WDPCP: variants seen among roughly 807,000 people sequenced by gnomAD.
WDPCP encodes WD repeat containing planar cell polarity effector.
A neutral mutation model predicts 93.1 loss-of-function variants in WDPCP; 71 were observed. The ratio of observed to expected loss-of-function variants is 0.76; its 90% CI spans 0.63 to 0.93. The LOEUF is 0.93. Among genes scored for constraint, WDPCP ranks in the 40% least tolerant of loss-of-function variants. The pLI is 0.00. For missense variants in WDPCP, 844 were observed against 887.4 expected, an observed-to-expected ratio of 0.95 and a Z score of 0.62; for synonymous variants, 315 against 315.0, an observed-to-expected ratio of 1.00 and a Z score of 0.00.
chr2:63,197,490 A>C (rs939953752), intron 14 of WDPCP, among the ~76,000 whole-genome samples: 1 of 152,180 alleles, frequency 6.6e-6, no homozygotes, highest in South Asian at 2.1e-4. Flanking sequence ...TACTTTTAAA[A>C]GGGCAATTTG....
chr2:63,588,685 C>T (rs1312764229), upstream of WDPCP: 5 of 473,922 alleles, frequency 1.1e-5, no homozygotes, highest in South Asian at 2.2e-5. Context: ...CGCCAATTGC[C>T]GGGCTCCATC....
intron 2 of WDPCP, among the ~76,000 whole-genome samples, chr2:63,671,842 T>TA (rs1212395027): frequency 6.6e-6 from 1 of 152,166 alleles, no homozygotes; most frequent in Non-Finnish European, 1.5e-5. Flanking sequence ...AATCAGTGCT[T>TA]ACTCAATTAT....
intron 14 of WDPCP, among the ~76,000 whole-genome samples, chr2:63,216,396 T>C (rs1677341969): frequency 1.3e-5 from 2 of 152,208 alleles, no homozygotes; most frequent in Admixed American, 1.3e-4. Flanking sequence ...GATGAGTTCA[T>C]GTCCATTCTA....
chr2:63,565,155 T>C (rs937824829), intron 1 of WDPCP, among the ~76,000 whole-genome samples: 4 of 152,188 alleles, frequency 2.6e-5, no homozygotes, highest in African/African-American at 9.6e-5. Context: ...AGCATTAAGG[T>C]CATGAAAAGG....
chr2:63,507,310 C>G (rs187039734), intron 1 of WDPCP, among the ~76,000 whole-genome samples: 1 of 151,920 alleles, frequency 6.6e-6, no homozygotes, highest in African/African-American at 2.4e-5. Context: ...CTTTCTCAAT[C>G]GCAACACTGG....
chr2:63,179,017 A>G (rs1196903955), intron 14 of WDPCP, among the ~76,000 whole-genome samples: 1 of 152,086 alleles, frequency 6.6e-6, no homozygotes, highest in Non-Finnish European at 1.5e-5. Flanking sequence ...CCTGAGCAAC[A>G]TGTCAAAACC....
intron 3 of WDPCP, among the ~76,000 whole-genome samples, chr2:63,650,207 G>A (rs1710093850): frequency 6.6e-6 from 1 of 152,218 alleles, no homozygotes; most frequent in African/African-American, 2.4e-5. Context: ...TTTAGCTTGA[G>A]TCAGTCACCT....
At chr2:63,647,849 T>G (rs1710069984) in intron 3 of WDPCP, among the ~76,000 whole-genome samples, 2 of 151,944 alleles carry the variant, frequency 1.3e-5, no homozygotes, top group African/African-American at 4.8e-5. Context: ...AAAGTTTAAT[T>G]AAAAAAAACT....
intron 2 of WDPCP, among the ~76,000 whole-genome samples, chr2:63,804,290 G>A (rs924436360): frequency 2.8e-5 from 4 of 142,794 alleles, no homozygotes; most frequent in Admixed American, 1.5e-4. Context: ...TCGCTCTGTC[G>A]CCCAGGCTGG....
chr2:63,838,900 A>G, the WDPCP span, among the ~76,000 whole-genome samples: 1 of 152,172 alleles, frequency 6.6e-6, no homozygotes, highest in South Asian at 2.1e-4. Context: ...TCGCTTACAA[A>G]GTGTTTGTGG....
At chr2:63,462,799 T>G (rs917011501) in intron 6 of WDPCP, among the ~76,000 whole-genome samples, 1 of 152,102 alleles carries the variant, frequency 6.6e-6, no homozygotes, top group African/African-American at 2.4e-5. Flanking sequence ...ACTTCCAGGT[T>G]TCTGGTTTCT....
At chr2:63,255,280 A>C (rs748718289) in intron 14 of WDPCP, among the ~76,000 whole-genome samples, 1 of 152,184 alleles carries the variant, frequency 6.6e-6, no homozygotes, top group Non-Finnish European at 1.5e-5. Context: ...AGTCAGTGCA[A>C]TAATAAGGAA....
chr2:63,642,995 T>C (rs1363948132), intron 3 of WDPCP: 1 of 153,612 alleles, frequency 6.5e-6, no homozygotes, highest in East Asian at 1.9e-4. Context: ...GTTATGTTCC[T>C]TCTATACTCA....
chr2:63,596,664 T>C (rs1413362815), intron 3 of WDPCP, among the ~76,000 whole-genome samples: 1 of 152,234 alleles, frequency 6.6e-6, no homozygotes, highest in Non-Finnish European at 1.5e-5. Flanking sequence ...ATGGCAGCCT[T>C]GACTATGATG....
At chr2:63,747,695 C>G (rs183756476) in intron 2 of WDPCP, among the ~76,000 whole-genome samples, 22 of 152,066 alleles carry the variant, frequency 1.4e-4, no homozygotes, top group Admixed American at 4.6e-4. Flanking sequence ...TATTAGTGTC[C>G]TGAAAGCTGG....
At chr2:63,130,416 A>C (rs1670214616) in intron 17 of WDPCP, among the ~76,000 whole-genome samples, 1 of 152,148 alleles carries the variant, frequency 6.6e-6, no homozygotes, top group South Asian at 2.1e-4. Flanking sequence ...GAAATCATTT[A>C]TCCACATACA....
At chr2:63,206,319 G>T (rs546207742) in intron 14 of WDPCP, among the ~76,000 whole-genome samples, 1 of 152,114 alleles carries the variant, frequency 6.6e-6, no homozygotes, top group Non-Finnish European at 1.5e-5. Flanking sequence ...AGTACTGTCT[G>T]TTGGTTCTCT....
chr2:63,582,071 T>C (rs2106552410), intron 1 of WDPCP, among the ~76,000 whole-genome samples: 1 of 149,072 alleles, frequency 6.7e-6, no homozygotes, highest in East Asian at 2.0e-4. Context: ...CAAAGAAGCA[T>C]AAAAATATGG....
In WDPCP at chr2:63,433,816, A is replaced by C. The variant is rs1235824613; in HGVS notation, c.754T>G (p.Trp252Gly). 4 of 1,613,830 alleles carry C rather than the reference A, an allele frequency of 2.5e-6. No individual in the cohort carries two copies. The African/African-American group carries it at 5.3e-5, about 22-fold the overall frequency. Reference sequence around the variant, plus strand: ...TCCTTCTCAGAAGAAATGGGGGCCCAAGGCCAAGCATCATCGTTGACCAGT... The same window carrying C: ...TCCTTCTCAGAAGAAATGGGGGCCCCAGGCCAAGCATCATCGTTGACCAGT... ...WPLVNDDAWP[W>G]APISSEKDRA... Residue 252 changes from tryptophan to glycine, a missense_variant, in exon 9 of 18, where the codon TGG becomes GGG. Coordinates refer to ENST00000272321, the MANE Select transcript of WDPCP (RefSeq NM_015910.7).
Sources: allele counts gnomAD v4.1 joint callset (sites outside exome capture counted in the v4.1 genomes callset), GRCh38; gene constraint gnomAD v4.1.1; transcripts MANE v1.5; gene names NCBI Gene and HGNC (gene_info 2026-07-23, HGNC 2026-07-21).